Variants in RUNX1 observed in about 807,000 individuals in gnomAD.
RUNX1 encodes RUNX family transcription factor 1.
RUNX1 carries 19 observed loss-of-function variants against 42.8 expected under a neutral mutation model. The observed-to-expected ratio is 0.44, with a 90% CI of 0.31 to 0.65. RUNX1 has a LOEUF of 0.65. Among genes scored for constraint, RUNX1 ranks in the 30% least tolerant of loss-of-function variants. The pLI is 0.07. For synonymous variants in RUNX1, 271 were observed against 289.4 expected (o/e 0.94, Z 0.64); for missense variants, 528 against 672.0 (o/e 0.79, Z 2.37).
intron 2 of RUNX1, among the ~76,000 whole-genome samples, chr21:34,990,838 G>A (rs1411528644): frequency 6.6e-6 from 1 of 152,080 alleles, no homozygotes; most frequent in Non-Finnish European, 1.5e-5. Context: ...TGATCCACCC[G>A]CCTCGGCCTT....
At chr21:35,031,241 G>A (rs376356785) in intron 2 of RUNX1, among the ~76,000 whole-genome samples, 24 of 152,274 alleles carry the variant, frequency 1.6e-4, no homozygotes, top group East Asian at 1.5e-3. Context: ...CCAGCTACTC[G>A]GGAGGCTGAG....
At chr21:34,826,776 C>T (rs919430919) in intron 7 of RUNX1, among the ~76,000 whole-genome samples, 5 of 152,092 alleles carry the variant, frequency 3.3e-5, no homozygotes, top group African/African-American at 1.2e-4. Context: ...TATAAATTAC[C>T]CAGTCTCAGG....
chr21:34,795,850 A>G (rs1481081586), intron 8 of RUNX1, among the ~76,000 whole-genome samples: 1 of 152,236 alleles, frequency 6.6e-6, no homozygotes, highest in African/African-American at 2.4e-5. Context: ...AGAAGCTGGG[A>G]CAGGAGGAAA....
At chr21:34,889,848 T>C in intron 3 of RUNX1, 1 of 1,094,144 alleles carries the variant, frequency 9.1e-7, no homozygotes, top group Non-Finnish European at 1.1e-6. Context: ...CATGAGTCCC[T>C]CCACGCCCTC....
At chr21:34,873,488 C>T (rs1169825770) in intron 5 of RUNX1, among the ~76,000 whole-genome samples, 1 of 152,226 alleles carries the variant, frequency 6.6e-6, no homozygotes, top group Non-Finnish European at 1.5e-5. Context: ...AGGAAATGTA[C>T]TTACATCTTC....
rs573625384 is a variant in RUNX1, at chr21:34,973,119, T to C, written c.58+75723A>G. On this transcript the variant is annotated intron_variant, in intron 2 of 8. Coordinates refer to ENST00000675419, the MANE Select transcript of RUNX1 (RefSeq NM_001754.5). ...GGCAGTAAGGCTCTTTCTCCCTCCA[T>C]CTGTCTCTTAGAGACTATCTCATAG... 2.2e-4 allele frequency among the ~76,000 whole-genome samples: 34 copies of C among 152,308 alleles called. 1 individual carries two copies. Among genetic ancestry groups the C allele is most frequent in the Admixed American group, 2.2e-3 (33 of 15,304 alleles).
intron 8 of RUNX1, among the ~76,000 whole-genome samples, chr21:34,795,159 G>A (rs1307839408): frequency 6.6e-6 from 1 of 152,246 alleles, no homozygotes; most frequent in East Asian, 1.9e-4. Context: ...CAGATGGCAT[G>A]TGGCCTGTGT....
At position 34,791,050 on chromosome 21, in the gene RUNX1, T is replaced by C; in HGVS notation, c.*1085A>G. Reference sequence around the variant, plus strand: ...GAGGAAGTTAGATATGAGACCCTTGTTGAGCCTGGCAGAAAATTCCATACT... The same window carrying C: ...GAGGAAGTTAGATATGAGACCCTTGCTGAGCCTGGCAGAAAATTCCATACT... On this transcript the variant is annotated 3_prime_UTR_variant, in exon 9 of 9. Transcript: ENST00000675419. 4.3e-6 allele frequency: 1 copy of C among 233,684 alleles called. No individual in the cohort carries two copies. The highest frequency in any genetic ancestry group is 8.5e-6 in the Non-Finnish European group (1 of 118,038). The allele number at this position is 233,684 out of a possible 1,614,324, so 14.5% of individuals were successfully genotyped here.
At chr21:34,958,188 A>C (rs1601608429) in intron 2 of RUNX1, among the ~76,000 whole-genome samples, 1 of 152,136 alleles carries the variant, frequency 6.6e-6, no homozygotes, top group Non-Finnish European at 1.5e-5. Context: ...AGTAGACAAC[A>C]CGGGACTCCA....
chr21:34,982,551 A>G (rs1047388168), intron 2 of RUNX1, among the ~76,000 whole-genome samples: 1 of 152,008 alleles, frequency 6.6e-6, no homozygotes, highest in African/African-American at 2.4e-5. Context: ...TGATTGCGAT[A>G]CTATTACTAT....
chr21:34,971,508 T>G lies in RUNX1; in HGVS notation c.58+77334A>C, dbSNP rs73900750. 3.7e-3 allele frequency among the ~76,000 whole-genome samples: 522 copies of G among 140,070 alleles called. 3 individuals carry two copies. Among genetic ancestry groups the G allele is most frequent in the African/African-American group, 0.013 (476 of 36,430 alleles). 91.9% of individuals were successfully genotyped at this position (140,070 alleles called of 152,430 possible). A position where few individuals can be genotyped will look rare whatever the true frequency, so the allele number is the denominator to read the frequency against. ...ATACATTTAAAATTTTTATCAGCCA[T>G]CCATCCATCCATCCATCCATCCATC... On this transcript the variant is annotated intron_variant, in intron 2 of 8. Transcript: ENST00000675419.
chr21:34,958,692 T>A (rs1046645221), intron 2 of RUNX1, among the ~76,000 whole-genome samples: 12 of 152,018 alleles, frequency 7.9e-5, no homozygotes, highest in African/African-American at 1.7e-4. Flanking sequence ...CAGCCATCCC[T>A]TTACTGGGTA....
chr21:34,954,066 G>A (rs886874019), intron 2 of RUNX1, among the ~76,000 whole-genome samples: 3 of 152,168 alleles, frequency 2.0e-5, no homozygotes, highest in Non-Finnish European at 2.9e-5. Context: ...ACCTTGTTCT[G>A]TGGACCCAGA....
intron 2 of RUNX1, among the ~76,000 whole-genome samples, chr21:34,925,654 T>C (rs1028061990): frequency 1.2e-4 from 19 of 152,176 alleles, no homozygotes; most frequent in Admixed American, 6.5e-5. Flanking sequence ...TTCTAAAGTT[T>C]TGAGGCAATA....
intron 2 of RUNX1, among the ~76,000 whole-genome samples, chr21:34,935,696 T>A (rs145808020): frequency 2.0e-5 from 3 of 152,186 alleles, no homozygotes; most frequent in Non-Finnish European, 4.4e-5. Flanking sequence ...TAGGATGTTT[T>A]GGCTCATCCC....
chr21:34,852,024 C>G (rs61050297), intron 6 of RUNX1, among the ~76,000 whole-genome samples: 1 of 151,976 alleles, frequency 6.6e-6, no homozygotes, highest in Non-Finnish European at 1.5e-5. Flanking sequence ...AAAAATTAGC[C>G]GGGCGTGGTG....
chr21:34,987,156 G>A (rs567832890), intron 2 of RUNX1, among the ~76,000 whole-genome samples: 138 of 152,314 alleles, frequency 9.1e-4, no homozygotes, highest in Non-Finnish European at 1.7e-3. Flanking sequence ...GACTAGGCTC[G>A]GGGTTTCTAA....
chr21:34,944,347 A>T (rs2058549226), intron 2 of RUNX1, among the ~76,000 whole-genome samples: 1 of 152,152 alleles, frequency 6.6e-6, no homozygotes, highest in Admixed American at 6.5e-5. Context: ...CACTCGTACT[A>T]AACAAAACTA....
intron 5 of RUNX1, among the ~76,000 whole-genome samples, chr21:34,872,569 A>G (rs1164805956): frequency 6.6e-6 from 1 of 152,252 alleles, no homozygotes; most frequent in Non-Finnish European, 1.5e-5. Context: ...GTTTTTCATA[A>G]AATTTAAAAT....
Sources: gnomAD v4.1 joint callset for allele counts (sites outside exome capture counted in the v4.1 genomes callset) on GRCh38, gnomAD v4.1.1 for gene constraint, MANE v1.5 for transcripts, NCBI Gene and HGNC (gene_info 2026-07-23, HGNC 2026-07-21) for gene names.